The following ZFYVE28 variants were observed in gnomAD, a reference collection of about 807,000 sequenced individuals.
ZFYVE28 encodes lateral signaling target protein 2 homolog.
In ZFYVE28, 40 loss-of-function variants were observed where a neutral mutation model predicts 82.1. The ratio of observed to expected loss-of-function variants is 0.49; its 90% CI spans 0.38 to 0.63. The LOEUF (loss-of-function observed/expected upper bound fraction) is 0.63. Ranked by LOEUF, ZFYVE28 falls within the 30% of genes least tolerant of loss-of-function variation. ZFYVE28 has a pLI of 0.00. For synonymous variants in ZFYVE28, 612 were observed against 546.1 expected, an observed-to-expected ratio of 1.12 and a Z score of -1.68; for missense variants, 1,321 against 1,242.1, an observed-to-expected ratio of 1.06 and a Z score of -0.96.
rs182642383 is a variant in ZFYVE28, at chr4:2,377,082, C to T, written c.40-23009G>A. 4.9e-3 allele frequency among the ~76,000 whole-genome samples: 735 copies of T among 151,144 alleles called. 7 individuals carry two copies. The highest frequency in any genetic ancestry group is 0.017 in the African/African-American group (708 of 41,144). ...TGTCACCCAGGCTGGAGTGCAGTGGCGCGATCTTGGCTCACTGCAAGCTCC... is the reference window on the plus strand; with the variant it reads ...TGTCACCCAGGCTGGAGTGCAGTGGTGCGATCTTGGCTCACTGCAAGCTCC... On this transcript the variant is annotated intron_variant, in intron 1 of 12. Transcript: ENST00000290974.
chr4:2,270,785 C>T lies in ZFYVE28; in HGVS notation c.2604G>A (p.Val868=), dbSNP rs200453876. The T allele has an allele frequency of 2.5e-6, 4 of 1,613,210 alleles. No homozygotes were observed. The highest frequency in any genetic ancestry group is 3.4e-6 in the Non-Finnish European group (4 of 1,179,940). The change falls in exon 13 of 13, where the codon GTG becomes GTA. Residue 868 remains valine (V), a synonymous_variant. Transcript: ENST00000290974. ...CATGGAACATGTAGCAGTGGGTGCACACTCGGACCGGCTTCACCTGCCCGT... is the reference window on the plus strand; with the variant it reads ...CATGGAACATGTAGCAGTGGGTGCATACTCGGACCGGCTTCACCTGCCCGT... ...PRYGQVKPVR[V]CTHCYMFHVT... is the part of the protein sequence containing the mutation.
chr4:2,346,412 T>C (rs1022137060), intron 2 of ZFYVE28, among the ~76,000 whole-genome samples: 8 of 149,328 alleles, frequency 5.4e-5, no homozygotes, highest in Non-Finnish European at 7.4e-5. Flanking sequence ...CAGATGGAAA[T>C]AGAGATCTAT....
chr4:2,375,716 G>A (rs1374654090), intron 1 of ZFYVE28, among the ~76,000 whole-genome samples: 4 of 152,228 alleles, frequency 2.6e-5, no homozygotes, highest in Admixed American at 6.5e-5. Context: ...AGAAAGCACC[G>A]CCCCACACAC....
chr4:2,364,580 ACAGACGCCCGGGTGGGCTC>A lies in ZFYVE28; in HGVS notation c.40-10526_40-10508del, dbSNP rs1726611706. ...GGAATTTAGACGGTCGGCACTGGGCACAGACGCCCGGGTGGGCTCCAGGTTCTTGGCCGCCTGTCCCCTC... is the reference window on the plus strand; with the variant it reads ...GGAATTTAGACGGTCGGCACTGGGCACAGGTTCTTGGCCGCCTGTCCCCTC... On this transcript the variant is annotated intron_variant, in intron 1 of 12. Transcript: ENST00000290974. 11 of 985,450 alleles carry A rather than the reference ACAGACGCCCGGGTGGGCTC, an allele frequency of 1.1e-5. No homozygotes were observed. The African/African-American group carries it at 1.6e-4, about 14-fold the overall frequency. 61.0% of individuals were successfully genotyped at this position (985,450 alleles called of 1,614,324 possible). A position where few individuals can be genotyped will look rare whatever the true frequency, so the allele number is the denominator to read the frequency against.
chr4:2,403,417 C>T (rs3128770), intron 1 of ZFYVE28, among the ~76,000 whole-genome samples: 129,324 of 152,280 alleles, frequency 0.85, 55,073 homozygotes, highest in Admixed American at 0.9. Flanking sequence ...CCAGAATTCT[C>T]GGAGCACGGC....
intron 1 of ZFYVE28, among the ~76,000 whole-genome samples, chr4:2,404,857 C>CTTTTTTTT (rs11404626): frequency 5.4e-5 from 6 of 110,992 alleles, no homozygotes; most frequent in African/African-American, 1.1e-4. Flanking sequence ...CAGTCTCGCT[C>CTTTTTTTT]TTTTTTTTTT....
At chr4:2,397,466 G>A (rs1305057859) in intron 1 of ZFYVE28, among the ~76,000 whole-genome samples, 1 of 135,124 alleles carries the variant, frequency 7.4e-6, no homozygotes, top group African/African-American at 2.7e-5. Context: ...GGCCAGACTC[G>A]GTCTCAAAAA....
At chr4:2,404,247 G>A (rs1560347586) in intron 1 of ZFYVE28, among the ~76,000 whole-genome samples, 2 of 151,320 alleles carry the variant, frequency 1.3e-5, no homozygotes, top group African/African-American at 2.4e-5. Context: ...GCATGAACCC[G>A]GGAGGCGGAG....
At chr4:2,303,052 C>T (rs192432463) in intron 8 of ZFYVE28, among the ~76,000 whole-genome samples, 196 of 152,282 alleles carry the variant, frequency 1.3e-3, no homozygotes, top group African/African-American at 2.4e-3. Context: ...GCGAACCCAT[C>T]GATGGAAAGT....
chr4:2,294,515 A>G (rs1228528281), intron 8 of ZFYVE28, among the ~76,000 whole-genome samples: 4 of 152,226 alleles, frequency 2.6e-5, no homozygotes, highest in African/African-American at 9.6e-5. Context: ...CATAGAAAAA[A>G]ATTTTTGTGA....
rs896889193 is a variant in ZFYVE28, at chr4:2,418,464, G to A, written c.-141C>T. ...GCAGGGAGGCTGGCTAGCGAAGCCCGGAGCGCCGAGCGGGCGGCGGGCAGG... is the reference window on the plus strand; with the variant it reads ...GCAGGGAGGCTGGCTAGCGAAGCCCAGAGCGCCGAGCGGGCGGCGGGCAGG... On this transcript the variant is annotated 5_prime_UTR_variant, in exon 1 of 13. Coordinates refer to ENST00000290974, the MANE Select transcript of ZFYVE28 (RefSeq NM_020972.3). The surrounding 1 kb of genome is among the most constrained non-coding windows in gnomAD (Gnocchi z 4.6). 32 of 600,170 alleles carry A rather than the reference G, an allele frequency of 5.3e-5. No individual in the cohort carries two copies. The highest frequency in any genetic ancestry group is 5.2e-4 in the African/African-American group (26 of 49,618). 37.2% of individuals were successfully genotyped at this position (600,170 alleles called of 1,614,324 possible).
chr4:2,290,169 G>A (rs1335820330), intron 8 of ZFYVE28, among the ~76,000 whole-genome samples: 1 of 152,204 alleles, frequency 6.6e-6, no homozygotes, highest in Non-Finnish European at 1.5e-5. Context: ...CTCCTCAGGG[G>A]ACAAGGCCGC....
intron 8 of ZFYVE28, among the ~76,000 whole-genome samples, chr4:2,282,207 CT>C (rs1465216461): frequency 6.6e-6 from 1 of 152,242 alleles, no homozygotes; most frequent in African/African-American, 2.4e-5. Context: ...CTGAATGTTG[CT>C]TCCTGCCACT....
In ZFYVE28 at chr4:2,408,369, G is replaced by A. The variant is rs976110025; in HGVS notation, c.39+9916C>T. On this transcript the variant is annotated intron_variant, in intron 1 of 12. Coordinates refer to ENST00000290974, the MANE Select transcript of ZFYVE28 (RefSeq NM_020972.3). The surrounding 1 kb of genome is among the most constrained non-coding windows in gnomAD (Gnocchi z 4.3). ...GTGACAGCCCCCCCCATTTAATGGG[G>A]GCTGGCCCTATGGACACTGTGGAGG... Among the ~76,000 whole-genome samples, 1 of 151,916 alleles carries A rather than the reference G, an allele frequency of 6.6e-6. No homozygotes were observed. Among genetic ancestry groups the A allele is most frequent in the Non-Finnish European group, 1.5e-5 (1 of 67,978 alleles).
rs986666327 is a variant in ZFYVE28, at chr4:2,270,652, C to T, written c.*73G>A. Reference sequence around the variant, plus strand: ...AGCGGCCTCATGAGACGCAGTGAGACCTGCCTGCAGCGTGGCCCCACCTTC... The same window carrying T: ...AGCGGCCTCATGAGACGCAGTGAGATCTGCCTGCAGCGTGGCCCCACCTTC... On this transcript the variant is annotated 3_prime_UTR_variant, in exon 13 of 13. Transcript: ENST00000290974. 3.4e-5 allele frequency: 55 copies of T among 1,597,654 alleles called. No individual in the cohort carries two copies. In the South Asian group the frequency reaches 6.0e-4, roughly 17 times the overall value.
chr4:2,316,732 G>A (rs559338249), intron 7 of ZFYVE28, among the ~76,000 whole-genome samples: 9 of 149,430 alleles, frequency 6.0e-5, no homozygotes, highest in African/African-American at 2.0e-4. Context: ...TCGCTCTGTA[G>A]CCCAGGCTGG....
At chr4:2,306,659 G>C (rs1377269355) in intron 7 of ZFYVE28, among the ~76,000 whole-genome samples, 3 of 152,190 alleles carry the variant, frequency 2.0e-5, no homozygotes, top group Non-Finnish European at 4.4e-5. Context: ...AGAAATAGTT[G>C]TAAGTGTACT....
rs67940269 is a variant in ZFYVE28, at chr4:2,327,251, AATATATATAT to A, written c.702-6990_702-6981del. Among the ~76,000 whole-genome samples the A allele has an allele frequency of 3.8e-3, 329 of 87,012 alleles. 8 individuals carry two copies. Among genetic ancestry groups the A allele is most frequent in the Admixed American group, 6.8e-3 (51 of 7,472 alleles). 57.1% of individuals were successfully genotyped at this position (87,012 alleles called of 152,430 possible). ...GGTGACGGAGCAAGACTCCATCTCA[AATATATATAT>A]ATATATATATATATATATATATATA... On this transcript the variant is annotated intron_variant, in intron 6 of 12. Coordinates refer to ENST00000290974, the MANE Select transcript of ZFYVE28 (RefSeq NM_020972.3).
At chr4:2,275,027 C>T (rs917070549) in intron 8 of ZFYVE28, among the ~76,000 whole-genome samples, 1 of 152,178 alleles carries the variant, frequency 6.6e-6, no homozygotes, top group African/African-American at 2.4e-5. Flanking sequence ...CCCCCGCCCC[C>T]ACCTACACTT....
Sources: gnomAD v4.1 joint callset for allele counts (sites outside exome capture counted in the v4.1 genomes callset) on GRCh38, gnomAD v4.1.1 for gene constraint, Gnocchi (gnomAD v3.1) non-coding constraint, MANE v1.5 for transcripts, NCBI Gene and HGNC (gene_info 2026-07-23, HGNC 2026-07-21) for gene names.